Variants in RNF19A observed in about 807,000 individuals in gnomAD.
RNF19A encodes E3 ubiquitin-protein ligase RNF19A.
RNF19A carries 32 observed loss-of-function variants against 75.7 expected under a neutral mutation model. That is an observed-to-expected ratio of 0.42 (90% CI 0.32 to 0.57). The LOEUF (loss-of-function observed/expected upper bound fraction) is 0.57. Ranked by LOEUF, RNF19A falls within the 20% of genes least tolerant of loss-of-function variation. The pLI is 0.10. For missense variants in RNF19A, 782 were observed against 1,036.3 expected, an observed-to-expected ratio of 0.75 and a Z score of 3.37; for synonymous variants, 335 against 345.2, an observed-to-expected ratio of 0.97 and a Z score of 0.33.
At position 100,280,440 on chromosome 8, in the gene RNF19A, C is replaced by T. The variant is rs151045634; in HGVS notation, c.675-5279G>A. Among the ~76,000 whole-genome samples, 119 of 152,208 alleles carry T rather than the reference C, an allele frequency of 7.8e-4. 1 individual carries two copies. Among genetic ancestry groups the T allele is most frequent in the Non-Finnish European group, 1.4e-3 (92 of 67,984 alleles). On this transcript the variant is annotated intron_variant, in intron 2 of 9. Transcript: ENST00000341084. ...AGAGAGAAAAGGAGAGTTTAGTTCA[C>T]GGCATGTTATATTTACTCAAATGTT...
chr8:100,291,371 T>C (rs1821286674), intron 1 of RNF19A, among the ~76,000 whole-genome samples: 1 of 152,368 alleles, frequency 6.6e-6, no homozygotes, highest in African/African-American at 2.4e-5. Context: ...GCTTTTCAGT[T>C]GCTATTACTC....
intron 1 of RNF19A, among the ~76,000 whole-genome samples, chr8:100,289,318 A>G (rs984282306): frequency 6.6e-6 from 1 of 152,164 alleles, no homozygotes; most frequent in Non-Finnish European, 1.5e-5. Context: ...CTTAAACAGA[A>G]CATACAAGAA....
intron 1 of RNF19A, among the ~76,000 whole-genome samples, chr8:100,298,372 C>G (rs992949872): frequency 2.6e-5 from 4 of 152,140 alleles, no homozygotes; most frequent in Admixed American, 1.3e-4. Flanking sequence ...AAACCTACCT[C>G]AAGTGGTCTA....
intron 1 of RNF19A, among the ~76,000 whole-genome samples, chr8:100,289,551 A>T (rs1031348567): frequency 7.2e-5 from 11 of 152,218 alleles, no homozygotes; most frequent in Admixed American, 2.0e-4. Context: ...AAAGTGCTCA[A>T]CATCATCAGT....
chr8:100,261,839 AC>A lies in RNF19A; in HGVS notation c.1469-85del. 3 of 1,347,428 alleles carry A rather than the reference AC, an allele frequency of 2.2e-6. No individual in the cohort carries two copies. The highest frequency in any genetic ancestry group is 3.2e-6 in the Non-Finnish European group (3 of 941,400). 83.5% of individuals were successfully genotyped at this position (1,347,428 alleles called of 1,614,324 possible). A position where few individuals can be genotyped will look rare whatever the true frequency, so the allele number is the denominator to read the frequency against. Reference sequence around the variant, plus strand: ...AAATTCCTCCATGATTTCAGAGAGGACATTATATAAGGTATAAAATATACGC... The same window carrying A: ...AAATTCCTCCATGATTTCAGAGAGGAATTATATAAGGTATAAAATATACGC... On this transcript the variant is annotated intron_variant, in intron 7 of 9. Coordinates refer to ENST00000341084, the MANE Select transcript of RNF19A (RefSeq NM_183419.4). The surrounding 1 kb of genome is among the most constrained non-coding windows in gnomAD (Gnocchi z 4.4).
chr8:100,259,104 T>C lies in RNF19A; in HGVS notation c.1969A>G (p.Lys657Glu), dbSNP rs765536516. 1.1e-5 allele frequency: 18 copies of C among 1,614,216 alleles called. No homozygotes were observed. Among genetic ancestry groups the C allele is most frequent in the Non-Finnish European group, 1.5e-5 (18 of 1,180,042 alleles). ...TTGGACCACTTGGTGGCACTAGATT[T>C]ACCTTCAGGCAAGCCACTGGATGAA... Reference protein sequence around the residue: ...GGSSSGLPEGKSSATKWSKEA... With the variant: ...GGSSSGLPEGESSATKWSKEA... The change falls in exon 10 of 10, where the codon AAA becomes GAA. Residue 657 changes from lysine (K) to glutamate (E), a missense_variant. Lys to Glu is a moderately conservative substitution (Grantham distance 56, BLOSUM62 1). Coordinates refer to ENST00000341084, the MANE Select transcript of RNF19A (RefSeq NM_183419.4). The surrounding 1 kb of genome is among the most constrained non-coding windows in gnomAD (Gnocchi z 4.5).
At chr8:100,279,180 A>G (rs1463715619) in intron 2 of RNF19A, among the ~76,000 whole-genome samples, 1 of 152,164 alleles carries the variant, frequency 6.6e-6, no homozygotes, top group Non-Finnish European at 1.5e-5. Context: ...TATTACTATA[A>G]AACTTTTTCC....
chr8:100,274,602 C>A (rs1820413673), intron 3 of RNF19A, among the ~76,000 whole-genome samples: 2 of 152,176 alleles, frequency 1.3e-5, no homozygotes, highest in African/African-American at 4.8e-5. Context: ...CCAGGCCGTT[C>A]TCGAACTCCT....
chr8:100,259,398 G>A lies in RNF19A; in HGVS notation c.1827-152C>T, dbSNP rs1184096833. ...CACGTTCTACTTAAAAAACATACTTGATATAACAGAACTCTTTATAATGCT... is the reference window on the plus strand; with the variant it reads ...CACGTTCTACTTAAAAAACATACTTAATATAACAGAACTCTTTATAATGCT... On this transcript the variant is annotated intron_variant, in intron 9 of 9. Coordinates refer to ENST00000341084, the MANE Select transcript of RNF19A (RefSeq NM_183419.4). This position sits in a 1 kb window ranked among gnomAD's most constrained non-coding sequence, Gnocchi z 4.5. The A allele has an allele frequency of 1.6e-6, 1 of 623,588 alleles. No individual in the cohort carries two copies. The highest frequency in any genetic ancestry group is 2.8e-6 in the Non-Finnish European group (1 of 359,426). The allele number at this position is 623,588 out of a possible 1,614,324, so 38.6% of individuals were successfully genotyped here.
At chr8:100,267,819 C>T (rs919636456) in intron 5 of RNF19A, among the ~76,000 whole-genome samples, 3 of 151,416 alleles carry the variant, frequency 2.0e-5, no homozygotes, top group Admixed American at 2.0e-4. Flanking sequence ...GGATTACAGG[C>T]ACCTGCCACC....
intron 1 of RNF19A, among the ~76,000 whole-genome samples, chr8:100,316,918 C>A (rs924914263): frequency 6.6e-6 from 1 of 152,222 alleles, no homozygotes; most frequent in East Asian, 1.9e-4. Flanking sequence ...AGCCCTGCCC[C>A]GCGGGAAGGC....
At position 100,287,746 on chromosome 8, in the gene RNF19A, T is replaced by C; in HGVS notation, c.429A>G (p.Arg143=). The change falls in exon 2 of 10, where the codon AGA becomes AGG. Residue 143 remains arginine, a synonymous_variant. Transcript: ENST00000341084. The surrounding 1 kb of genome is among the most constrained non-coding windows in gnomAD (Gnocchi z 4.1). ...PLCLLRHSKD[R]FPDIMTCHHR... is the part of the protein sequence containing the mutation. ...GATGACAAGTCATTATATCAGGAAA[T>C]CTGTCTTTAGAATGCCGCAAAAGGC... 1 of 1,614,096 alleles carries C rather than the reference T, an allele frequency of 6.2e-7. No individual in the cohort carries two copies. Among genetic ancestry groups the C allele is most frequent in the Non-Finnish European group, 8.5e-7 (1 of 1,180,014 alleles).
rs1819960338 is a variant in RNF19A, at chr8:100,266,060, T to G, written c.1192-1275A>C. Among the ~76,000 whole-genome samples, 7 of 152,338 alleles carry G rather than the reference T, an allele frequency of 4.6e-5. No homozygotes were observed. In the South Asian group the frequency reaches 1.5e-3, roughly 32 times the overall value. ...AAGAGAAAGGAGTCTTCTAGAAAATTTTTCAGCCTCAAGCACCAATGTTTG... is the reference window on the plus strand; with the variant it reads ...AAGAGAAAGGAGTCTTCTAGAAAATGTTTCAGCCTCAAGCACCAATGTTTG... On this transcript the variant is annotated intron_variant, in intron 5 of 9. Coordinates refer to ENST00000341084, the MANE Select transcript of RNF19A (RefSeq NM_183419.4).
At chr8:100,320,937 AT>A (rs1252752623) in intron 1 of RNF19A, among the ~76,000 whole-genome samples, 6 of 152,236 alleles carry the variant, frequency 3.9e-5, no homozygotes, top group Admixed American at 6.5e-5. Context: ...AAAAATGTAT[AT>A]ACCTTAATTT....
intron 7 of RNF19A, among the ~76,000 whole-genome samples, chr8:100,262,157 C>T (rs117424046): frequency 1.6e-4 from 25 of 152,268 alleles, no homozygotes; most frequent in Non-Finnish European, 2.8e-4. Context: ...GATCTGATAA[C>T]ACTATGTTCC....
intron 1 of RNF19A, chr8:100,309,534 C>T: frequency 6.1e-6 from 6 of 985,250 alleles, no homozygotes; most frequent in Non-Finnish European, 7.2e-6. Context: ...CATAATATCG[C>T]CGGGCCGGCC....
Position 100,269,847 on chromosome 8 carries a change from A to G in RNF19A, c.1028+22T>C. 1 of 1,552,414 alleles carries G rather than the reference A, an allele frequency of 6.4e-7. No homozygotes were observed. Among genetic ancestry groups the G allele is most frequent in the East Asian group, 2.3e-5 (1 of 42,602 alleles). The stretch of plus-strand genomic sequence containing the variant: ...AATATAAAATTACATTTACATATAA[A>G]TAGCTCCTTCTATAAGCTTACCTTA... On this transcript the variant is annotated intron_variant, in intron 4 of 9. Transcript: ENST00000341084. This position sits in a 1 kb window ranked among gnomAD's most constrained non-coding sequence, Gnocchi z 5.7.
chr8:100,268,271 C>T (rs943688476), intron 5 of RNF19A, among the ~76,000 whole-genome samples: 3 of 151,726 alleles, frequency 2.0e-5, no homozygotes, highest in African/African-American at 7.3e-5. Flanking sequence ...AATTAGAGGC[C>T]AGTGGTAGTC....
rs968029369 is a variant in RNF19A at position 100,287,419 on chromosome 8, A to C, written c.674+82T>G. On this transcript the variant is annotated intron_variant, in intron 2 of 9. Transcript: ENST00000341084. The surrounding 1 kb of genome is among the most constrained non-coding windows in gnomAD (Gnocchi z 4.1). ...TGAATGAATTCTCCAGCATGTAAAA[A>C]TTTTTCTTTTGAGTAATAGCAAATT... The C allele has an allele frequency of 3.3e-5, 44 of 1,343,496 alleles. No homozygotes were observed. The highest frequency in any genetic ancestry group is 4.3e-5 in the Non-Finnish European group (42 of 984,184). The allele number at this position is 1,343,496 out of a possible 1,614,324, so 83.2% of individuals were successfully genotyped here.
Sources: allele counts gnomAD v4.1 joint callset (sites outside exome capture counted in the v4.1 genomes callset), GRCh38; gene constraint gnomAD v4.1.1; non-coding constraint Gnocchi (gnomAD v3.1); transcripts MANE v1.5; gene names NCBI Gene and HGNC (gene_info 2026-07-23, HGNC 2026-07-21).